Variants in SH3KBP1 observed in about 807,000 individuals in gnomAD.
SH3KBP1 encodes the protein SH3 domain containing kinase binding protein 1.
A neutral mutation model predicts 50.1 loss-of-function variants in SH3KBP1; 8 were observed. The ratio of observed to expected loss-of-function variants is 0.16; its 90% CI spans 0.09 to 0.29. SH3KBP1 has a LOEUF of 0.29. Ranked by LOEUF, SH3KBP1 falls within the 10% of genes least tolerant of loss-of-function variation. SH3KBP1 has a pLI of 1.00. For synonymous variants in SH3KBP1, 227 were observed against 218.6 expected, an observed-to-expected ratio of 1.04 and a Z score of -0.34; for missense variants, 377 against 535.2, an observed-to-expected ratio of 0.70 and a Z score of 2.92.
chrX:19,541,992 C>A lies in SH3KBP1; in HGVS notation c.1825G>T (p.Val609Leu). The A allele has an allele frequency of 8.3e-7, 1 of 1,211,932 alleles. No homozygotes were observed. The highest frequency in any genetic ancestry group is 3.0e-5 in the East Asian group (1 of 33,830). Residue 609 changes from valine to leucine, a missense_variant, in exon 16 of 18, where the codon GTG (valine) becomes TTG (leucine). Val to Leu is a conservative substitution (Grantham distance 32). This residue lies in a region of SH3KBP1 where 110 missense variants were observed against 124.1 expected (regional missense o/e 0.89). Transcript: ENST00000397821. ...MEPAASSQAA[V>L]EELRTQVREL... ...CGGACCTGTGTCCTTAGCTCCTCCA[C>A]GGCCGCCTGGCTGCTGGCCGCAGGC...
At chrX:19,574,695 C>T (rs921890252) in intron 12 of SH3KBP1, among the ~76,000 whole-genome samples, 4 of 112,358 alleles carry the variant, frequency 3.6e-5, no homozygotes, top group Admixed American at 9.4e-5. Context: ...GTGAGGATTT[C>T]GACACATCAA....
intron 13 of SH3KBP1, among the ~76,000 whole-genome samples, chrX:19,554,526 C>T (rs892486950): frequency 1.9e-5 from 2 of 107,068 alleles, no homozygotes; most frequent in East Asian, 2.9e-4. Flanking sequence ...CTCAGCCTCC[C>T]GAGGAGCTTG....
chrX:19,769,285 G>A lies in SH3KBP1; in HGVS notation c.163-22844C>T, dbSNP rs759670560. Among the ~76,000 whole-genome samples, 14 of 104,180 alleles carry A rather than the reference G, an allele frequency of 1.3e-4. No homozygotes were observed. In the East Asian group the frequency reaches 3.0e-3, roughly 22 times the overall value. The allele number at this position is 104,180 out of a possible 115,157, so 90.5% of individuals were successfully genotyped here. A position where few individuals can be genotyped will look rare whatever the true frequency, so the allele number is the denominator to read the frequency against. On this transcript the variant is annotated intron_variant, in intron 2 of 17. Coordinates refer to ENST00000397821, the MANE Select transcript of SH3KBP1 (RefSeq NM_031892.3). ...TTTTTCTTCTTTTTCTTTTTTTTTCGTAGAGACAGGGTCTCGCCAAGTTGC... is the reference window on the plus strand; with the variant it reads ...TTTTTCTTCTTTTTCTTTTTTTTTCATAGAGACAGGGTCTCGCCAAGTTGC...
rs764004082 is a variant in SH3KBP1 at position 19,684,393 on chromosome X, C to T, written c.521-365G>A. Among the ~76,000 whole-genome samples the T allele has an allele frequency of 3.6e-5, 4 of 111,725 alleles. No homozygotes were observed. The Admixed American group carries it at 3.8e-4, about 11-fold the overall frequency. On this transcript the variant is annotated intron_variant, in intron 5 of 17. Coordinates refer to ENST00000397821, the MANE Select transcript of SH3KBP1 (RefSeq NM_031892.3). ...CCTTCCCACCCACCTTGTTGCCTCC[C>T]CACCCAGTCAGTACCACATACTGTA... is the stretch of plus-strand genomic sequence containing the variant.
Position 19,856,951 on chromosome X carries a change from C to CTT in SH3KBP1, c.5-20671_5-20670dup, listed in dbSNP as rs758486199. Among the ~76,000 whole-genome samples, 59 of 20,031 alleles carry CTT rather than the reference C, an allele frequency of 2.9e-3. 17 individuals are homozygous for CTT. Among genetic ancestry groups the CTT allele is most frequent in the Non-Finnish European group, 3.9e-3 (39 of 10,009 alleles). The allele number at this position is 20,031 out of a possible 115,157, so 17.4% of individuals were successfully genotyped here. A position where few individuals can be genotyped will look rare whatever the true frequency, so the allele number is the denominator to read the frequency against. ...CTTTTCCCCTAGAGCTAATACTAGT[C>CTT]TTTTTTTTTTTTTTTTTTTTTTTTT... On this transcript the variant is annotated intron_variant, in intron 1 of 17. Transcript: ENST00000397821.
chrX:19,875,283 C>T (rs751671286), intron 1 of SH3KBP1, among the ~76,000 whole-genome samples: 1 of 111,483 alleles, frequency 9.0e-6, no homozygotes, highest in African/African-American at 3.3e-5. Flanking sequence ...AGTTCAGGAG[C>T]TCAAAGGATT....
At chrX:19,741,168 C>A (rs867011213) in intron 3 of SH3KBP1, among the ~76,000 whole-genome samples, 35 of 112,306 alleles carry the variant, frequency 3.1e-4, no homozygotes, top group Middle Eastern at 9.2e-3. Context: ...TGGAACCCGT[C>A]TGAAGGATTA....
At chrX:19,632,116 C>T (rs1051887570) in intron 7 of SH3KBP1, among the ~76,000 whole-genome samples, 158 bp from the exon 8 acceptor site, 25 of 111,563 alleles carry the variant, frequency 2.2e-4, no homozygotes, top group Admixed American at 4.7e-4. Flanking sequence ...GAAAATGACC[C>T]GAGAGTGCTC....
At chrX:19,537,489 C>A (rs756514027) in intron 17 of SH3KBP1, among the ~76,000 whole-genome samples, 1 of 108,889 alleles carries the variant, frequency 9.2e-6, no homozygotes, top group African/African-American at 3.4e-5. Flanking sequence ...AAGATAAATT[C>A]CAAATGAGAA....
intron 3 of SH3KBP1, among the ~76,000 whole-genome samples, chrX:19,721,149 T>G (rs2064048327): frequency 9.0e-6 from 1 of 111,448 alleles, no homozygotes; most frequent in Non-Finnish European, 1.9e-5. Context: ...ATTTTCTTGA[T>G]GCAAATGGGA....
At chrX:19,611,974 A>AAAAAC (rs2067438459) in intron 8 of SH3KBP1, among the ~76,000 whole-genome samples, 1 of 108,353 alleles carries the variant, frequency 9.2e-6, no homozygotes, top group Non-Finnish European at 1.9e-5. Flanking sequence ...AAAAAAAAAA[A>AAAAAC]AAAACAAGAA....
intron 2 of SH3KBP1, among the ~76,000 whole-genome samples, chrX:19,763,252 C>T (rs2065487055): frequency 8.9e-6 from 1 of 111,799 alleles, no homozygotes; most frequent in African/African-American, 3.3e-5. Flanking sequence ...AAAAAACTGG[C>T]CTCCAAAAAA....
intron 5 of SH3KBP1, among the ~76,000 whole-genome samples, chrX:19,691,348 CTCTCTCTCTA>C (rs1461412552): frequency 7.5e-4 from 72 of 95,376 alleles, no homozygotes; most frequent in African/African-American, 2.8e-3. Context: ...CTCTCTCTCT[CTCTCTCTCTA>C]TATATATATA....
At chrX:19,827,781 CTTTTTTTTTT>C (rs138898288) in intron 2 of SH3KBP1, among the ~76,000 whole-genome samples, 6 of 36,215 alleles carry the variant, frequency 1.7e-4, no homozygotes, top group Non-Finnish European at 2.5e-4. Flanking sequence ...GAAGTGCAGT[CTTTTTTTTTT>C]TTTTTTTTTT....
chrX:19,810,274 T>C (rs2067166698), intron 2 of SH3KBP1, among the ~76,000 whole-genome samples: 1 of 112,604 alleles, frequency 8.9e-6, no homozygotes, highest in African/African-American at 3.2e-5. Context: ...ACTTTTATAC[T>C]TTAACATTCA....
chrX:19,875,098 C>T (rs1030161069), intron 1 of SH3KBP1, among the ~76,000 whole-genome samples: 4 of 110,814 alleles, frequency 3.6e-5, no homozygotes, highest in Non-Finnish European at 7.6e-5. Flanking sequence ...TTTACAATGT[C>T]TACATCTCTT....
chrX:19,577,848 G>A (rs183582030), intron 12 of SH3KBP1, among the ~76,000 whole-genome samples: 73 of 111,441 alleles, frequency 6.6e-4, no homozygotes, highest in African/African-American at 2.4e-3. Flanking sequence ...AGTCCATATG[G>A]TGACTCTTTT....
chrX:19,584,068 A>C (rs1457875296), intron 12 of SH3KBP1, among the ~76,000 whole-genome samples: 2 of 84,911 alleles, frequency 2.4e-5, no homozygotes, highest in Non-Finnish European at 4.0e-5. Context: ...ATTTCAAAAT[A>C]GATAAATATA....
At chrX:19,693,123 C>A (rs1230745548) in intron 5 of SH3KBP1, among the ~76,000 whole-genome samples, 6 of 112,119 alleles carry the variant, frequency 5.4e-5, no homozygotes, top group Non-Finnish European at 3.8e-5. Flanking sequence ...GGACTGGCCT[C>A]TTTGTGCCCC....
Sources: gnomAD v4.1 joint callset for allele counts (sites outside exome capture counted in the v4.1 genomes callset) on GRCh38, gnomAD v4.1.1 for gene constraint, gnomAD v4.1.1 regional missense constraint, MANE v1.5 for transcripts, NCBI Gene and HGNC (gene_info 2026-07-23, HGNC 2026-07-21) for gene names.